Variants in CWF19L2 observed in about 807,000 individuals in gnomAD.
The protein encoded by CWF19L2 is CWF19 like cell cycle control factor 2.
In CWF19L2, 98 loss-of-function variants were observed where a neutral mutation model predicts 111.7. That is an observed-to-expected ratio of 0.88 (90% CI 0.75 to 1.04). The LOEUF (loss-of-function observed/expected upper bound fraction) is 1.04. Among genes scored for constraint, CWF19L2 ranks in the 50% least tolerant of loss-of-function variants. The pLI is 0.00. For synonymous variants in CWF19L2, 351 were observed against 342.9 expected (o/e 1.02, Z -0.26); for missense variants, 1,101 against 1,051.4 (o/e 1.05, Z -0.65).
At chr11:107,337,993 A>G (rs1356243930) in intron 14 of CWF19L2, among the ~76,000 whole-genome samples, 5 of 152,194 alleles carry the variant, frequency 3.3e-5, no homozygotes, top group Middle Eastern at 3.2e-3. Context: ...TGACATTGAT[A>G]TAGTCAACAC....
intron 2 of CWF19L2, 52 bp downstream of exon 2, chr11:107,455,614 C>T (rs618078): frequency 4.4e-5 from 44 of 1,004,270 alleles, no homozygotes; most frequent in Admixed American, 2.2e-4. Flanking sequence ...AACTTGAATA[C>T]GTGCAAAAAA....
intron 12 of CWF19L2, among the ~76,000 whole-genome samples, chr11:107,353,949 C>A (rs1860197894): frequency 6.6e-6 from 1 of 152,168 alleles, no homozygotes; most frequent in African/African-American, 2.4e-5. Context: ...TTACTATATA[C>A]AATTCTATAT....
At chr11:107,433,061 A>G (rs1297908789) in intron 7 of CWF19L2, among the ~76,000 whole-genome samples, 4 of 152,198 alleles carry the variant, frequency 2.6e-5, no homozygotes, top group Non-Finnish European at 4.4e-5. Context: ...TCTACTTTAA[A>G]ACTCTGGGGG....
chr11:107,443,490 T>A (rs546585019), intron 3 of CWF19L2, among the ~76,000 whole-genome samples: 70 of 143,810 alleles, frequency 4.9e-4, no homozygotes, highest in African/African-American at 1.5e-3. Context: ...AAAAAAAAAA[T>A]TTTTTTAAAG....
chr11:107,398,227 C>G (rs1860951222), intron 10 of CWF19L2, among the ~76,000 whole-genome samples: 1 of 151,692 alleles, frequency 6.6e-6, no homozygotes, highest in South Asian at 2.1e-4. Flanking sequence ...AGTTATTAAG[C>G]TAATCAGGGA....
chr11:107,413,135 C>G (rs986198271), intron 10 of CWF19L2, among the ~76,000 whole-genome samples: 4 of 152,092 alleles, frequency 2.6e-5, no homozygotes, highest in African/African-American at 7.2e-5. Flanking sequence ...TTGGGTGATA[C>G]AGTGTGTCAA....
At chr11:107,402,868 G>GGTGTGTGTGTGT (rs1290211766) in intron 10 of CWF19L2, among the ~76,000 whole-genome samples, 3 of 42,740 alleles carry the variant, frequency 7.0e-5, no homozygotes, top group East Asian at 5.0e-4. Flanking sequence ...AACAAACTGT[G>GGTGTGTGTGTGT]GTGTGTATAT....
At chr11:107,406,053 C>T (rs893358790) in intron 10 of CWF19L2, among the ~76,000 whole-genome samples, 2 of 152,084 alleles carry the variant, frequency 1.3e-5, no homozygotes, top group African/African-American at 4.8e-5. Context: ...GGAAAAAGCT[C>T]ACGACATTGT....
chr11:107,430,633 C>T (rs951026543), intron 7 of CWF19L2, among the ~76,000 whole-genome samples: 2 of 152,072 alleles, frequency 1.3e-5, no homozygotes, highest in Non-Finnish European at 2.9e-5. Context: ...AATAACTGTT[C>T]TTGTAGTTGC....
At chr11:107,446,793 T>A (rs5021690) in intron 3 of CWF19L2, among the ~76,000 whole-genome samples, 26,206 of 152,170 alleles carry the variant, frequency 0.17, 2,415 homozygotes, top group Middle Eastern at 0.27. Context: ...CCTATACTCA[T>A]TTTCACAATT....
chr11:107,363,193 C>T (rs1407231897), intron 12 of CWF19L2, among the ~76,000 whole-genome samples: 2 of 152,050 alleles, frequency 1.3e-5, no homozygotes, highest in Admixed American at 6.6e-5. Context: ...AAATCTACGT[C>T]GGATTGGTGT....
chr11:107,389,452 C>T (rs57962534), intron 12 of CWF19L2, among the ~76,000 whole-genome samples: 1,968 of 152,186 alleles, frequency 0.013, 24 homozygotes, highest in Middle Eastern at 0.037. Context: ...TCACAGTTTG[C>T]CAAAACCTGT....
chr11:107,443,300 G>T (rs1394215220), intron 3 of CWF19L2, among the ~76,000 whole-genome samples: 1 of 151,938 alleles, frequency 6.6e-6, no homozygotes. Flanking sequence ...GGCAAACATG[G>T]TGAAACACCA....
Position 107,392,848 on chromosome 11 carries a change from T to C in CWF19L2, c.1665A>G (p.Gly555=). 6.3e-7 allele frequency: 1 copy of C among 1,588,126 alleles called. No homozygotes were observed. The highest frequency in any genetic ancestry group is 8.5e-7 in the Non-Finnish European group (1 of 1,172,048). The change falls in exon 11 of 18, where the codon GGA becomes GGG. Residue 555 remains glycine, a synonymous_variant. Coordinates refer to ENST00000282251, the MANE Select transcript of CWF19L2 (RefSeq NM_152434.3). ...EVILVRTDQS[G]RVWPVNTPGK... ...CGGGTGTGTTCACAGGCCATACTCT[T>C]CCAGACTGATCTGTTCTGACAAGGA...
chr11:107,419,459 A>G (rs760057909), intron 8 of CWF19L2, among the ~76,000 whole-genome samples: 1 of 152,156 alleles, frequency 6.6e-6, no homozygotes, highest in Non-Finnish European at 1.5e-5. Context: ...AGACAGGCAA[A>G]TAAGTAGAAA....
At chr11:107,456,445 GAAT>G (rs1861856612) in intron 1 of CWF19L2, among the ~76,000 whole-genome samples, 1 of 151,924 alleles carries the variant, frequency 6.6e-6, no homozygotes, top group Non-Finnish European at 1.5e-5. Context: ...AGAAAAGAAT[GAAT>G]AATATATATA....
chr11:107,359,969 G>C (rs559869869), intron 12 of CWF19L2, among the ~76,000 whole-genome samples: 12 of 152,340 alleles, frequency 7.9e-5, no homozygotes, highest in African/African-American at 2.9e-4. Context: ...TGGAATGTAG[G>C]AGATCCTTGA....
chr11:107,351,159 G>T (rs1189568749), intron 13 of CWF19L2, among the ~76,000 whole-genome samples: 1 of 152,208 alleles, frequency 6.6e-6, no homozygotes, highest in East Asian at 1.9e-4. Context: ...AACTATTACA[G>T]AAGTCCAGTA....
At chr11:107,447,741 A>C (rs1305798294) in intron 3 of CWF19L2, among the ~76,000 whole-genome samples, 2 of 152,244 alleles carry the variant, frequency 1.3e-5, no homozygotes, top group East Asian at 3.8e-4. Context: ...TATAAGTTTC[A>C]TAGGGTTCAG....
Sources: allele counts gnomAD v4.1 joint callset (sites outside exome capture counted in the v4.1 genomes callset), GRCh38; gene constraint gnomAD v4.1.1; transcripts MANE v1.5; gene names NCBI Gene and HGNC (gene_info 2026-07-23, HGNC 2026-07-21).